The following KANSL3 variants were observed in gnomAD, a reference collection of about 807,000 sequenced individuals.
The protein encoded by KANSL3 is NSL complex protein NSL3.
KANSL3 carries 16 observed loss-of-function variants against 89.2 expected under a neutral mutation model. That is an observed-to-expected ratio of 0.18 (90% CI 0.12 to 0.27). The LOEUF is 0.27. KANSL3 is among the 10% of genes least tolerant of loss of function. KANSL3 has a pLI of 1.00. For synonymous variants in KANSL3, 385 were observed against 419.7 expected (o/e 0.92, Z 1.01); for missense variants, 879 against 1,110.6 (o/e 0.79, Z 2.96).
chr2:96,632,023 G>A (rs1403139471), intron 2 of KANSL3, among the ~76,000 whole-genome samples: 1 of 152,110 alleles, frequency 6.6e-6, no homozygotes, highest in Non-Finnish European at 1.5e-5. Context: ...TCCAGCCTGG[G>A]TGACAGAGCA....
downstream of KANSL3, among the ~76,000 whole-genome samples, chr2:96,592,441 C>A (rs115838944): frequency 0.017 from 2,579 of 152,290 alleles, 45 homozygotes; most frequent in Non-Finnish European, 0.023. Context: ...TGAGGGACCC[C>A]ACCTACTGAC....
intron 19 of KANSL3, 85 bp from the exon 20 acceptor site, chr2:96,601,861 C>T: frequency 1.2e-5 from 18 of 1,462,988 alleles, no homozygotes; most frequent in Non-Finnish European, 1.5e-5. Context: ...AGCTTCTCCC[C>T]CACATAACAC....
intron 1 of KANSL3, among the ~76,000 whole-genome samples, chr2:96,637,617 G>A (rs939394002): frequency 6.6e-6 from 1 of 152,184 alleles, no homozygotes; most frequent in Non-Finnish European, 1.5e-5. Flanking sequence ...AGGGAGCCGG[G>A]GCCGCAGCTA....
At chr2:96,636,874 T>C (rs754280870) in intron 2 of KANSL3, 47 bp downstream of exon 2, 48 of 1,402,902 alleles carry the variant, frequency 3.4e-5, no homozygotes, top group Non-Finnish European at 4.4e-5. Flanking sequence ...TCCCATCTGA[T>C]CACTGCCCAG....
intron 15 of KANSL3, 65 bp downstream of exon 15, chr2:96,605,255 C>T (rs2067803357): frequency 7.1e-7 from 1 of 1,411,276 alleles, no homozygotes; most frequent in Non-Finnish European, 9.7e-7. Flanking sequence ...TGAATGGCCA[C>T]CAAAGGGCAA....
At chr2:96,626,385 G>C (rs76594856) in intron 3 of KANSL3, among the ~76,000 whole-genome samples, 2 of 150,320 alleles carry the variant, frequency 1.3e-5, no homozygotes, top group Admixed American at 6.6e-5. Context: ...AAGGAGGGAC[G>C]ATAACTCAAA....
In KANSL3 at chr2:96,605,484, T is replaced by G; in HGVS notation, c.1769A>C (p.Glu590Ala). The stretch of plus-strand genomic sequence containing the variant: ...AACCCTAAGATCCTCTTTCTCTCCT[T>G]CCTCTGGTGGTTCTGATGAAATGGG... ...QVPISSEPPE[E>A]GEKEDLRVQL... Residue 590 changes from glutamate (E) to alanine (A), a missense_variant, in exon 15 of 21, where the codon GAA becomes GCA. By Grantham distance (107) the Glu-to-Ala change is moderately radical. This residue lies in a region of KANSL3 where 317 missense variants were observed against 311.2 expected (regional missense o/e 1.02). Coordinates refer to ENST00000431828, the MANE Select transcript of KANSL3 (RefSeq NM_001115016.3). 1 of 1,613,796 alleles carries G rather than the reference T, an allele frequency of 6.2e-7. No homozygotes were observed. Among genetic ancestry groups the G allele is most frequent in the Non-Finnish European group, 8.5e-7 (1 of 1,179,738 alleles).
rs1325709525 is a variant in KANSL3 at position 96,593,254 on chromosome 2, A to G, written c.*2357T>C. ...CTCAGCTCTATAACCCATCCAGCCC[A>G]AGACTGTTCTAGTGGTGAAACCAAG... On this transcript the variant is annotated 3_prime_UTR_variant, in exon 21 of 21. Coordinates refer to ENST00000431828, the MANE Select transcript of KANSL3 (RefSeq NM_001115016.3). The G allele has an allele frequency of 4.4e-6, 2 of 456,108 alleles. No individual in the cohort carries two copies. The highest frequency in any genetic ancestry group is 4.7e-5 in the Admixed American group (2 of 42,580). The allele number at this position is 456,108 out of a possible 1,614,324, so 28.3% of individuals were successfully genotyped here.
At chr2:96,590,964 C>T (rs1012375703), downstream of KANSL3, among the ~76,000 whole-genome samples, 7 of 152,018 alleles carry the variant, frequency 4.6e-5, no homozygotes, top group Non-Finnish European at 7.4e-5. Context: ...CCAGCCTAGG[C>T]GACACAGCAA....
intron 3 of KANSL3, among the ~76,000 whole-genome samples, chr2:96,627,462 G>A (rs191606848): frequency 5.3e-5 from 8 of 152,198 alleles, no homozygotes; most frequent in East Asian, 1.9e-4. Context: ...TTATCTTCCC[G>A]CCTCAGCCTC....
At chr2:96,602,028 A>G in intron 19 of KANSL3, 88 bp downstream of exon 19, 1 of 1,341,666 alleles carries the variant, frequency 7.5e-7, no homozygotes, top group Middle Eastern at 1.8e-4. Flanking sequence ...ACTGGTTTCA[A>G]CATCATACCT....
chr2:96,583,394 T>C, the KANSL3 span, among the ~76,000 whole-genome samples: 2 of 152,224 alleles, frequency 1.3e-5, no homozygotes, highest in Admixed American at 6.6e-5. Context: ...TATAGAACAT[T>C]TCCCCCCGAC....
chr2:96,627,127 T>C (rs891080604), intron 3 of KANSL3, among the ~76,000 whole-genome samples: 1 of 152,180 alleles, frequency 6.6e-6, no homozygotes, highest in Non-Finnish European at 1.5e-5. Flanking sequence ...TGCAGACAAT[T>C]AAATAAGGTA....
At chr2:96,580,548 T>C in the KANSL3 span, among the ~76,000 whole-genome samples, 1 of 152,128 alleles carries the variant, frequency 6.6e-6, no homozygotes, top group Non-Finnish European at 1.5e-5. Flanking sequence ...CCTATGGTGG[T>C]AGAAGTCAGG....
chr2:96,604,078 G>A (rs2067593618), intron 17 of KANSL3, 172 bp downstream of exon 17: 1 of 615,734 alleles, frequency 1.6e-6, no homozygotes, highest in African/African-American at 1.9e-5. Flanking sequence ...TCAAGGCCAA[G>A]GAATCCCTCT....
intron 17 of KANSL3, 138 bp downstream of exon 17, chr2:96,604,112 G>A (rs894874507): frequency 2.4e-5 from 22 of 931,420 alleles, no homozygotes; most frequent in Admixed American, 2.0e-4. Context: ...CCAGCTTCAC[G>A]TCAAGCCTCT....
chr2:96,605,632 C>T (rs1016475879), intron 14 of KANSL3, 121 bp from the exon 15 acceptor site: 7 of 779,484 alleles, frequency 9.0e-6, no homozygotes, highest in African/African-American at 3.4e-5. Context: ...AACCACTCTA[C>T]GTACAGGGCC....
intron 5 of KANSL3, chr2:96,615,225 G>A (rs901266247): frequency 1.3e-5 from 2 of 154,804 alleles, no homozygotes; most frequent in African/African-American, 5.0e-5. Flanking sequence ...GGAGTTTATG[G>A]GTGACTTTTT....
intron 17 of KANSL3, 37 bp from the exon 18 acceptor site, chr2:96,602,899 A>G: frequency 6.3e-7 from 1 of 1,588,448 alleles, no homozygotes. Flanking sequence ...TAGAGACTCA[A>G]TCACTTGCAC....
Sources: allele counts gnomAD v4.1 joint callset (sites outside exome capture counted in the v4.1 genomes callset), GRCh38; gene constraint gnomAD v4.1.1; regional missense constraint gnomAD v4.1.1; transcripts MANE v1.5; gene names NCBI Gene and HGNC (gene_info 2026-07-23, HGNC 2026-07-21).